DAB2IP: variants seen among roughly 807,000 people sequenced by gnomAD.
DAB2IP encodes DAB2 interacting protein.
Under a neutral mutation model 107.2 loss-of-function variants are expected in DAB2IP, and 28 were observed. The observed-to-expected ratio is 0.26, with a 90% confidence interval of 0.19 to 0.36. The LOEUF is 0.36. Ranked by LOEUF, DAB2IP falls within the 10% of genes least tolerant of loss-of-function variation. The pLI is 1.00. For missense variants in DAB2IP, 1,400 were observed against 1,644.7 expected (o/e 0.85, Z 2.57); for synonymous variants, 755 against 706.4 (o/e 1.07, Z -1.09).
rs73544263 is a variant in DAB2IP at position 121,585,999 on chromosome 9, C to T, written c.40+18771C>T. On this transcript the variant is annotated intron_variant, in intron 1 of 16. Coordinates refer to the DAB2IP transcript ENST00000259371. The stretch of plus-strand genomic sequence containing the variant: ...CTGGGAGCCCACCCTGGCTCCCTGT[C>T]GCTGGGCCTCTCCCTGCATTTTTCT... 7.6e-3 allele frequency among the ~76,000 whole-genome samples: 1,161 copies of T among 152,252 alleles called. 13 individuals carry two copies. Among genetic ancestry groups the T allele is most frequent in the African/African-American group, 0.026 (1,079 of 41,548 alleles).
chr9:121,627,663 G>T (rs1831711702), intron 1 of DAB2IP, among the ~76,000 whole-genome samples: 1 of 152,194 alleles, frequency 6.6e-6, no homozygotes, highest in Non-Finnish European at 1.5e-5. Flanking sequence ...GGCAGAGTTG[G>T]GGTGGGCCCC....
At chr9:121,758,927 T>C in exon 5 of DAB2IP, 1 of 1,613,744 alleles carries the variant, frequency 6.2e-7, no homozygotes, top group South Asian at 1.1e-5. Flanking sequence ...GCAAGTGCTT[T>C]TCCTGCCGGT....
chr9:121,630,789 G>A (rs1831847861), intron 1 of DAB2IP, among the ~76,000 whole-genome samples: 1 of 151,848 alleles, frequency 6.6e-6, no homozygotes, highest in Non-Finnish European at 1.5e-5. Context: ...GGTATTTTTA[G>A]TAGAGACAGG....
In DAB2IP at chr9:121,574,371, G is replaced by A. The variant is rs185112687; in HGVS notation, c.40+7143G>A. Among the ~76,000 whole-genome samples the A allele has an allele frequency of 7.8e-3, 1,190 of 152,158 alleles. 8 individuals carry two copies. Among genetic ancestry groups the A allele is most frequent in the Middle Eastern group, 0.014 (4 of 294 alleles). On this transcript the variant is annotated intron_variant, in intron 1 of 16. Coordinates refer to the DAB2IP transcript ENST00000259371. ...AGCCTGCCTGGAATGGGGAAGGGAC[G>A]CCAGAATCTAGATCCCTTCCATCTT...
At chr9:121,756,587 G>A (rs992797554) in intron 3 of DAB2IP, among the ~76,000 whole-genome samples, 1 of 152,266 alleles carries the variant, frequency 6.6e-6, no homozygotes, top group Non-Finnish European at 1.5e-5. Flanking sequence ...TGTTGGGGCA[G>A]AGTGACTGCT....
chr9:121,611,791 G>A lies in DAB2IP; in HGVS notation c.40+44563G>A, dbSNP rs191952058. Among the ~76,000 whole-genome samples the A allele has an allele frequency of 8.3e-4, 126 of 152,088 alleles. 2 individuals are homozygous for A. Among genetic ancestry groups the A allele is most frequent in the Non-Finnish European group, 1.9e-4 (13 of 67,988 alleles). ...GTAGAGACAGGGTTTCACCATGTTT[G>A]CCAGGGTGGTCTCAAACTCCTGGCC... On this transcript the variant is annotated intron_variant, in intron 1 of 16. Transcript: ENST00000259371.
At chr9:121,655,626 G>C (rs908933086) in intron 1 of DAB2IP, among the ~76,000 whole-genome samples, 1 of 152,110 alleles carries the variant, frequency 6.6e-6, no homozygotes, top group Admixed American at 6.5e-5. Context: ...GCTCAGCCGC[G>C]GACTGGTTGC....
chr9:121,667,322 C>T (rs1375051099), intron 1 of DAB2IP, among the ~76,000 whole-genome samples: 3 of 152,044 alleles, frequency 2.0e-5, no homozygotes, highest in Non-Finnish European at 4.4e-5. Flanking sequence ...TGAGCCACCA[C>T]GCCTGGCCTG....
intron 3 of DAB2IP, among the ~76,000 whole-genome samples, chr9:121,731,249 T>A (rs996096684): frequency 3.3e-5 from 5 of 152,236 alleles, no homozygotes; most frequent in Non-Finnish European, 7.3e-5. Flanking sequence ...TGTCACTTCC[T>A]TCCCAGCTGG....
chr9:121,784,639 T>C, exon 16 of DAB2IP: 1 of 155,032 alleles, frequency 6.5e-6, no homozygotes, highest in Middle Eastern at 5.2e-4. Flanking sequence ...TGTAACTATC[T>C]CACCTAATGG....
In DAB2IP at chr9:121,782,822, T is replaced by G; in HGVS notation, c.*324T>G. 20 of 1,145,720 alleles carry G rather than the reference T, an allele frequency of 1.7e-5. No homozygotes were observed. The highest frequency in any genetic ancestry group is 2.0e-5 in the Non-Finnish European group (19 of 928,462). The allele number at this position is 1,145,720 out of a possible 1,614,324, so 71.0% of individuals were successfully genotyped here. On this transcript the variant is annotated 3_prime_UTR_variant, in exon 16 of 16. Transcript: ENST00000408936. This position sits in a 1 kb window ranked among gnomAD's most constrained non-coding sequence, Gnocchi z 6.1. Reference sequence around the variant, plus strand: ...TGAATGTGGTGTGTCCTTGTCCTCCTGGATCTGGCCGAGTGCATGTGTCCC... The same window carrying G: ...TGAATGTGGTGTGTCCTTGTCCTCCGGGATCTGGCCGAGTGCATGTGTCCC...
chr9:121,617,320 T>C (rs951066728), intron 1 of DAB2IP, among the ~76,000 whole-genome samples: 1 of 152,004 alleles, frequency 6.6e-6, no homozygotes, highest in African/African-American at 2.4e-5. Context: ...CAAGACTCTG[T>C]CTCAAAAACA....
rs767398023 is a variant in DAB2IP, at chr9:121,766,482, G to T, written c.1461-12G>T. On this transcript the variant is annotated splice_polypyrimidine_tract_variant and intron_variant, in intron 8 of 15. Coordinates refer to ENST00000408936, the Ensembl canonical transcript of DAB2IP. ...CTGACAGCCAAGCCCACCTTTGTCT[G>T]TCCCTACACAGTGTCTTCCCACGGG... 4 of 1,602,086 alleles carry T rather than the reference G, an allele frequency of 2.5e-6. No homozygotes were observed. The Admixed American group carries it at 6.7e-5, about 27-fold the overall frequency.
chr9:121,594,235 A>ATT (rs772152487), intron 1 of DAB2IP, among the ~76,000 whole-genome samples: 39 of 131,152 alleles, frequency 3.0e-4, no homozygotes, highest in African/African-American at 8.2e-4. Flanking sequence ...TGAATGCAGC[A>ATT]TTTTTTTTTT....
rs1043811651 is a variant in DAB2IP, at chr9:121,756,930, C to T, written c.363-83C>T. On this transcript the variant is annotated intron_variant, in intron 3 of 15. Coordinates refer to ENST00000408936, the Ensembl canonical transcript of DAB2IP. The stretch of plus-strand genomic sequence containing the variant: ...GAGTGGCTGCCTGCTGGAAGGGGCA[C>T]GGCCAGGGCAGATGGGTGGGACATG... 8 of 1,586,214 alleles carry T rather than the reference C, an allele frequency of 5.0e-6. No individual in the cohort carries two copies. In the Admixed American group the frequency reaches 5.1e-5, roughly 10 times the overall value.
chr9:121,715,178 C>T (rs1204778828), intron 3 of DAB2IP, among the ~76,000 whole-genome samples: 1 of 152,074 alleles, frequency 6.6e-6, no homozygotes, highest in Non-Finnish European at 1.5e-5. Context: ...CTTGCTCCTG[C>T]AGGGCAGGGG....
At chr9:121,695,531 A>G (rs1016288189) in intron 2 of DAB2IP, among the ~76,000 whole-genome samples, 3 of 152,190 alleles carry the variant, frequency 2.0e-5, no homozygotes, top group African/African-American at 7.2e-5. Flanking sequence ...TGTCTGAATG[A>G]AGATTTGAGG....
chr9:121,588,237 T>C (rs946006419), intron 1 of DAB2IP, among the ~76,000 whole-genome samples: 1 of 152,100 alleles, frequency 6.6e-6, no homozygotes, highest in Non-Finnish European at 1.5e-5. Flanking sequence ...CCACCCCAAG[T>C]TGCTTCCAAC....
chr9:121,737,226 A>G, intron 3 of DAB2IP: 2 of 984,314 alleles, frequency 2.0e-6, no homozygotes, highest in Admixed American at 6.2e-5. Flanking sequence ...GCGACTTGCC[A>G]TGGCTGGAAG....
Sources: allele counts gnomAD v4.1 joint callset (sites outside exome capture counted in the v4.1 genomes callset), GRCh38; gene constraint gnomAD v4.1.1; non-coding constraint Gnocchi (gnomAD v3.1); transcripts MANE v1.5; gene names NCBI Gene and HGNC (gene_info 2026-07-23, HGNC 2026-07-21).